The following CCDC62 variants were observed in gnomAD, a reference collection of about 807,000 sequenced individuals.
CCDC62 encodes coiled-coil domain-containing protein 62.
In CCDC62, 72 loss-of-function variants were observed where a neutral mutation model predicts 80.8. The ratio of observed to expected loss-of-function variants is 0.89; its 90% CI spans 0.74 to 1.08. The LOEUF is 1.08. Ranked by LOEUF, CCDC62 falls within the 50% of genes least tolerant of loss-of-function variation. The pLI is 0.00. For synonymous variants in CCDC62, 286 were observed against 296.5 expected, an observed-to-expected ratio of 0.96 and a Z score of 0.36; for missense variants, 704 against 809.4, an observed-to-expected ratio of 0.87 and a Z score of 1.58.
chr12:122,805,806 G>A (rs1001068798), intron 9 of CCDC62, among the ~76,000 whole-genome samples: 1 of 151,454 alleles, frequency 6.6e-6, no homozygotes, highest in Admixed American at 6.6e-5. Context: ...CACCGCTCCC[G>A]GCCACATCCA....
intron 3 of CCDC62, 53 bp from the exon 4 acceptor site, chr12:122,785,666 A>G: frequency 3.5e-6 from 4 of 1,150,070 alleles, no homozygotes; most frequent in South Asian, 1.2e-5. Flanking sequence ...TAGCAAGAGT[A>G]GTGAAAGCTT....
intron 11 of CCDC62, among the ~76,000 whole-genome samples, chr12:122,821,101 C>T: frequency 6.6e-6 from 1 of 152,100 alleles, no homozygotes; most frequent in East Asian, 1.9e-4. Context: ...CCCCTTACCT[C>T]TCCACTCCCC....
chr12:122,812,442 CAA>C (rs34624972), intron 10 of CCDC62, among the ~76,000 whole-genome samples: 175 of 129,850 alleles, frequency 1.3e-3, no homozygotes, highest in Middle Eastern at 7.5e-3. Context: ...AACTCCGTCT[CAA>C]AAAAAAAAAA....
At chr12:122,799,262 G>T (rs1238853014) in intron 8 of CCDC62, among the ~76,000 whole-genome samples, 1 of 152,072 alleles carries the variant, frequency 6.6e-6, no homozygotes, top group Non-Finnish European at 1.5e-5. Flanking sequence ...AAGGCTTTGA[G>T]CTAGAATAGA....
intron 11 of CCDC62, among the ~76,000 whole-genome samples, chr12:122,818,478 A>C (rs1447072417): frequency 1.3e-5 from 2 of 149,782 alleles, no homozygotes; most frequent in African/African-American, 5.0e-5. Context: ...AAAAAAATTA[A>C]CTGGACGTGG....
intron 10 of CCDC62, among the ~76,000 whole-genome samples, chr12:122,808,511 A>C (rs2031721701): frequency 6.6e-6 from 1 of 151,890 alleles, no homozygotes; most frequent in Non-Finnish European, 1.5e-5. Flanking sequence ...CTCATATGGT[A>C]GGTGTATATT....
intron 8 of CCDC62, among the ~76,000 whole-genome samples, chr12:122,798,427 A>AC (rs1394402410): frequency 9.9e-5 from 15 of 151,550 alleles, no homozygotes; most frequent in Non-Finnish European, 1.9e-4. Context: ...ACATGGTGAA[A>AC]CCCCATCTCT....
rs769665410 is a variant in CCDC62 at position 122,801,355 on chromosome 12, A to G, written c.1209A>G (p.Leu403=). The G allele has an allele frequency of 6.2e-7, 1 of 1,614,206 alleles. No individual in the cohort carries two copies. The highest frequency in any genetic ancestry group is 1.3e-5 in the African/African-American group (1 of 75,068). The change falls in exon 9 of 13, where the codon TTA becomes TTG. Residue 403 remains leucine (L), a synonymous_variant. Transcript: ENST00000253079. ...TGTCATCCATATTCACCAAAGACTT[A>G]GTAGAGAAACACAACCTCCCTTGGT... ...ITLSSIFTKD[L]VEKHNLPWSL...
In CCDC62 at chr12:122,802,430, T is replaced by C. The variant is rs2031366925; in HGVS notation, c.1706+578T>C. Among the ~76,000 whole-genome samples, 3 of 149,674 alleles carry C rather than the reference T, an allele frequency of 2.0e-5. No individual in the cohort carries two copies. In the South Asian group the frequency reaches 6.4e-4, roughly 32 times the overall value. ...CTACACTTTTTTTTTTTTTTTTTTT[T>C]GGAGATGGAGTCTAGCTTTGTCGCC... On this transcript the variant is annotated intron_variant, in intron 9 of 12. Transcript: ENST00000253079.
chr12:122,812,823 G>GAAAGAA (rs1555258043), intron 10 of CCDC62, among the ~76,000 whole-genome samples: 49 of 147,504 alleles, frequency 3.3e-4, no homozygotes, highest in African/African-American at 1.1e-3. Context: ...AAGAAAGAAA[G>GAAAGAA]AAAGAAAAGG....
rs138129700 is a variant in CCDC62, at chr12:122,813,426, G to A, written c.2001+7G>A. The A allele has an allele frequency of 4.7e-4, 756 of 1,608,210 alleles. 3 individuals are homozygous for A. The African/African-American group carries it at 8.4e-3, about 18-fold the overall frequency. The stretch of plus-strand genomic sequence containing the variant: ...CACTGGCAGTGCCACAAATGTATGC[G>A]TTTCATTTTCTCTTGACTATATTTG... On this transcript the variant is annotated splice_region_variant and intron_variant, in intron 11 of 12. Coordinates refer to ENST00000253079, the MANE Select transcript of CCDC62 (RefSeq NM_201435.5).
At chr12:122,819,457 C>A (rs1273443868) in intron 11 of CCDC62, among the ~76,000 whole-genome samples, 4 of 152,208 alleles carry the variant, frequency 2.6e-5, no homozygotes, top group African/African-American at 9.6e-5. Flanking sequence ...CACTGAAGAA[C>A]TGACGCTTTG....
At chr12:122,807,758 G>A (rs961001433) in intron 10 of CCDC62, among the ~76,000 whole-genome samples, 2 of 152,038 alleles carry the variant, frequency 1.3e-5, no homozygotes, top group Non-Finnish European at 2.9e-5. Flanking sequence ...TTCTTCCTCT[G>A]CCCTGTGCGT....
At chr12:122,779,182 AG>A (rs1376811423) in intron 2 of CCDC62, among the ~76,000 whole-genome samples, 1 of 152,232 alleles carries the variant, frequency 6.6e-6, no homozygotes, top group Non-Finnish European at 1.5e-5. Flanking sequence ...ATATATTAAA[AG>A]TTTCCTGTTC....
At chr12:122,809,788 C>T (rs2031789928) in intron 10 of CCDC62, among the ~76,000 whole-genome samples, 1 of 152,118 alleles carries the variant, frequency 6.6e-6, no homozygotes, top group Non-Finnish European at 1.5e-5. Flanking sequence ...GCTACAGTAA[C>T]CAAAACAGCA....
chr12:122,775,110 A>T (rs1267707198), intron 1 of CCDC62, among the ~76,000 whole-genome samples: 1 of 150,890 alleles, frequency 6.6e-6, no homozygotes, highest in Non-Finnish European at 1.5e-5. Context: ...AAAAAAAAAA[A>T]AAAAAAGTGA....
chr12:122,820,061 C>CAAAAAAAAAAAAAAAAAAAAAAA (rs34620795), intron 11 of CCDC62, among the ~76,000 whole-genome samples: 4 of 58,090 alleles, frequency 6.9e-5, no homozygotes, highest in Non-Finnish European at 8.5e-5. Flanking sequence ...GATCCTGTCT[C>CAAAAAAAAAAAAAAAAAAAAAAA]AAAAAAAAAA....
At chr12:122,777,430 C>A in intron 1 of CCDC62, 61 bp from the exon 2 acceptor site, 1 of 1,441,436 alleles carries the variant, frequency 6.9e-7, no homozygotes, top group Non-Finnish European at 9.4e-7. Context: ...GGAAAATGGA[C>A]TTTGGCTGAT....
chr12:122,811,179 T>A (rs868224786), intron 10 of CCDC62, among the ~76,000 whole-genome samples: 6 of 148,600 alleles, frequency 4.0e-5, no homozygotes, highest in Middle Eastern at 3.3e-3. Flanking sequence ...TAATAAAAAA[T>A]AAATAAATAA....
Sources: allele counts gnomAD v4.1 joint callset (sites outside exome capture counted in the v4.1 genomes callset), GRCh38; gene constraint gnomAD v4.1.1; transcripts MANE v1.5; gene names NCBI Gene and HGNC (gene_info 2026-07-23, HGNC 2026-07-21).